Variants in OPHN1 observed in about 807,000 individuals in gnomAD.
OPHN1 encodes the protein oligophrenin 1.
A neutral mutation model predicts 60.7 loss-of-function variants in OPHN1; 11 were observed. The observed-to-expected ratio is 0.18, with a 90% CI of 0.11 to 0.30. The LOEUF (loss-of-function observed/expected upper bound fraction) is 0.30. Ranked by LOEUF, OPHN1 falls within the 10% of genes least tolerant of loss-of-function variation. OPHN1 has a pLI of 1.00. For missense variants in OPHN1, 449 were observed against 611.0 expected (o/e 0.73, Z 2.80); for synonymous variants, 226 against 222.6 (o/e 1.02, Z -0.14).
chrX:68,128,523 GATTT>G (rs938382402), intron 15 of OPHN1, among the ~76,000 whole-genome samples: 3 of 107,207 alleles, frequency 2.8e-5, no homozygotes, highest in African/African-American at 9.9e-5. Context: ...AGAGGAGAGT[GATTT>G]ATTTAAGTCT....
intron 2 of OPHN1, among the ~76,000 whole-genome samples, chrX:68,404,457 C>G (rs2078731415): frequency 9.0e-6 from 1 of 111,150 alleles, no homozygotes; most frequent in Non-Finnish European, 1.9e-5. Flanking sequence ...TGCGCCTGGC[C>G]AAAACTTTTA....
chrX:68,207,108 C>A (rs2077562865), intron 9 of OPHN1, among the ~76,000 whole-genome samples: 1 of 109,522 alleles, frequency 9.1e-6, no homozygotes, highest in Admixed American at 9.8e-5. Context: ...AGTTAAGAAC[C>A]CTATCAGTGT....
intron 12 of OPHN1, among the ~76,000 whole-genome samples, chrX:68,195,654 T>G (rs185706295): frequency 1.1e-3 from 122 of 112,243 alleles, no homozygotes; most frequent in African/African-American, 3.8e-3. Context: ...ATTAGTAATG[T>G]GAGGTTGCAG....
chrX:68,081,294 C>T (rs981919647), intron 19 of OPHN1, among the ~76,000 whole-genome samples: 1 of 111,389 alleles, frequency 9.0e-6, no homozygotes, highest in African/African-American at 3.3e-5. Flanking sequence ...AGAGTCAGGA[C>T]AGAGTCAGAG....
intron 15 of OPHN1, among the ~76,000 whole-genome samples, chrX:68,170,580 C>T (rs762995515): frequency 1.8e-5 from 2 of 110,504 alleles, no homozygotes; most frequent in South Asian, 7.8e-4. Context: ...GGCACATATA[C>T]ACCGTGGAAT....
At chrX:68,377,339 G>C (rs1372596989) in intron 2 of OPHN1, among the ~76,000 whole-genome samples, 1 of 108,808 alleles carries the variant, frequency 9.2e-6, no homozygotes. Flanking sequence ...CTCGTGATCC[G>C]CCCACCTCAG....
chrX:68,118,941 T>A (rs756839438), intron 16 of OPHN1, among the ~76,000 whole-genome samples: 1 of 112,221 alleles, frequency 8.9e-6, no homozygotes, highest in Non-Finnish European at 1.9e-5. Context: ...TACTAGTGAA[T>A]CCATCACAAC....
chrX:68,328,486 G>T, intron 2 of OPHN1, among the ~76,000 whole-genome samples: 1 of 112,217 alleles, frequency 8.9e-6, no homozygotes. Flanking sequence ...GCATAGGAAA[G>T]AATTTCTTAA....
intron 2 of OPHN1, among the ~76,000 whole-genome samples, chrX:68,374,288 A>G (rs2078544723): frequency 9.3e-6 from 1 of 107,937 alleles, no homozygotes; most frequent in African/African-American, 3.4e-5. Context: ...CCTGGGAGGC[A>G]GAGGTTGCAG....
At chrX:68,379,204 G>T (rs906638755) in intron 2 of OPHN1, among the ~76,000 whole-genome samples, 1 of 110,883 alleles carries the variant, frequency 9.0e-6, no homozygotes, top group Non-Finnish European at 1.9e-5. Flanking sequence ...AATTGTGAAT[G>T]GGAGTTCACT....
chrX:68,091,219 G>T (rs2077016564), intron 19 of OPHN1, among the ~76,000 whole-genome samples: 1 of 111,214 alleles, frequency 9.0e-6, no homozygotes, highest in Non-Finnish European at 1.9e-5. Context: ...GTTAGAAAAA[G>T]GACTAAACGA....
At chrX:68,246,790 T>C (rs1209127442) in intron 5 of OPHN1, among the ~76,000 whole-genome samples, 1 of 111,394 alleles carries the variant, frequency 9.0e-6, no homozygotes, top group African/African-American at 3.3e-5. Context: ...ATACTATGCA[T>C]AGTCTAGATA....
At chrX:68,365,421 G>A (rs1019963396) in intron 2 of OPHN1, among the ~76,000 whole-genome samples, 4 of 111,431 alleles carry the variant, frequency 3.6e-5, no homozygotes, top group Non-Finnish European at 7.5e-5. Flanking sequence ...TTTAACATAA[G>A]GCAGCCACTG....
chrX:68,342,831 C>G (rs1443902993), intron 2 of OPHN1, among the ~76,000 whole-genome samples: 1 of 111,414 alleles, frequency 9.0e-6, no homozygotes, highest in Non-Finnish European at 1.9e-5. Flanking sequence ...GTCCCAGCTA[C>G]TCAGGAGGCT....
intron 2 of OPHN1, chrX:68,361,091 G>A (rs989179260): frequency 8.9e-6 from 1 of 111,872 alleles, no homozygotes; most frequent in Non-Finnish European, 1.9e-5. Flanking sequence ...TCTGAGGGTA[G>A]TGAGTTATCT....
At chrX:68,215,710 G>C (rs2077605400) in intron 6 of OPHN1, among the ~76,000 whole-genome samples, 2 of 111,472 alleles carry the variant, frequency 1.8e-5, no homozygotes, top group East Asian at 5.6e-4. Context: ...AGAAAAGAGT[G>C]CTATAAAATA....
intron 17 of OPHN1, 48 bp from the exon 18 acceptor site, chrX:68,112,007 G>A: frequency 2.4e-6 from 2 of 819,647 alleles, no homozygotes; most frequent in Non-Finnish European, 3.7e-6. Flanking sequence ...CTGGGCAACT[G>A]GATTGAGCAA....
rs369826356 is a variant in OPHN1, at chrX:68,213,897, C to T, written c.562G>A (p.Val188Ile). The T allele has an allele frequency of 8.3e-7, 1 of 1,204,260 alleles. No homozygotes were observed. Among genetic ancestry groups the T allele is most frequent in the Non-Finnish European group, 1.1e-6 (1 of 891,102 alleles). ...ATATTGAACTTCTTGGACTCCTGAA[C>T]TTCCTGGATTTGATAAACATAATCA... is the stretch of plus-strand genomic sequence containing the variant. ...SLDYVYQIQEVQESKKFNIVE... is the reference protein window; with the variant it reads ...SLDYVYQIQEIQESKKFNIVE... Residue 188 changes from valine to isoleucine, a missense_variant, in exon 7 of 25, where the codon GTT (valine) becomes ATT (isoleucine). Val to Ile is a conservative substitution (Grantham distance 29). This residue lies in a region of OPHN1 where 99 missense variants were observed against 155.2 expected (regional missense o/e 0.64). Transcript: ENST00000355520.
At chrX:68,071,806 G>T in intron 20 of OPHN1, 1 of 399,319 alleles carries the variant, frequency 2.5e-6, no homozygotes, top group South Asian at 3.8e-5. Context: ...AGACAGTAAG[G>T]GAGCCGGCTG....
Sources: allele counts gnomAD v4.1 joint callset (sites outside exome capture counted in the v4.1 genomes callset), GRCh38; gene constraint gnomAD v4.1.1; regional missense constraint gnomAD v4.1.1; transcripts MANE v1.5; gene names NCBI Gene and HGNC (gene_info 2026-07-23, HGNC 2026-07-21).